The following PRDM5 variants were observed in gnomAD, a reference collection of about 807,000 sequenced individuals.
PRDM5 encodes PR domain zinc finger protein 5.
A neutral mutation model predicts 81.2 loss-of-function variants in PRDM5; 56 were observed. That is an observed-to-expected ratio of 0.69 (90% CI 0.56 to 0.86). The LOEUF is 0.86. Ranked by LOEUF, PRDM5 falls within the 40% of genes least tolerant of loss-of-function variation. The probability of loss-of-function intolerance (pLI) is 0.00; values close to 1 mark genes in which losing one functional copy is unlikely to be tolerated. For synonymous variants in PRDM5, 267 were observed against 256.4 expected, an observed-to-expected ratio of 1.04 and a Z score of -0.39; for missense variants, 697 against 770.1, an observed-to-expected ratio of 0.91 and a Z score of 1.12.
At chr4:120,794,665 T>A (rs2149273238) in intron 10 of PRDM5, among the ~76,000 whole-genome samples, 1 of 151,612 alleles carries the variant, frequency 6.6e-6, no homozygotes, top group African/African-American at 2.4e-5. Flanking sequence ...GCTCTGTTGC[T>A]CAGGCTGGAG....
At chr4:120,853,702 T>C (rs922067260) in intron 2 of PRDM5, among the ~76,000 whole-genome samples, 162 bp from the exon 3 acceptor site, 3 of 152,328 alleles carry the variant, frequency 2.0e-5, no homozygotes, top group Admixed American at 6.5e-5. Context: ...TAAACACATG[T>C]AGAAATACAG....
chr4:120,726,509 T>C (rs1739432263), intron 14 of PRDM5, among the ~76,000 whole-genome samples: 1 of 152,220 alleles, frequency 6.6e-6, no homozygotes, highest in African/African-American at 2.4e-5. Context: ...AGTACTTTGT[T>C]CTCTCTCCTT....
At chr4:120,908,190 G>A (rs931739223) in intron 1 of PRDM5, among the ~76,000 whole-genome samples, 1 of 152,234 alleles carries the variant, frequency 6.6e-6, no homozygotes, top group East Asian at 1.9e-4. Context: ...GAAATGGGCT[G>A]TCCTTCAATC....
chr4:120,765,220 CAT>C (rs1167172464), intron 13 of PRDM5, among the ~76,000 whole-genome samples: 3 of 152,124 alleles, frequency 2.0e-5, no homozygotes, highest in South Asian at 2.1e-4. Flanking sequence ...CAAAAAATTA[CAT>C]GTTTCCTAAG....
chr4:120,737,267 G>A (rs114895241), intron 14 of PRDM5, among the ~76,000 whole-genome samples: 1,724 of 152,298 alleles, frequency 0.011, 35 homozygotes, highest in African/African-American at 0.039. Flanking sequence ...CATCAATGCA[G>A]AGCATCAAGT....
intron 3 of PRDM5, among the ~76,000 whole-genome samples, chr4:120,826,560 A>G (rs1435940740): frequency 6.6e-6 from 1 of 152,162 alleles, no homozygotes; most frequent in Non-Finnish European, 1.5e-5. Context: ...AGTGCAAGCT[A>G]ATCTCATAAT....
chr4:120,813,136 T>C (rs1754067753), intron 7 of PRDM5: 1 of 152,680 alleles, frequency 6.5e-6, no homozygotes, highest in South Asian at 2.1e-4. Context: ...TGTCTTCTTA[T>C]GTAGTGATTA....
intron 10 of PRDM5, among the ~76,000 whole-genome samples, chr4:120,793,814 G>A (rs968327880): frequency 1.3e-4 from 20 of 152,186 alleles, no homozygotes; most frequent in African/African-American, 4.3e-4. Context: ...AAAAGATAAC[G>A]TGTGAGTAAT....
chr4:120,922,436 G>A (rs1284449949), intron 1 of PRDM5, 80 bp downstream of exon 1: 409 of 1,243,154 alleles, frequency 3.3e-4, no homozygotes, highest in Non-Finnish European at 4.1e-4. Flanking sequence ...GCCGCGCCCC[G>A]GGCCCTGCGG....
In PRDM5 at chr4:120,883,096, T is replaced by A. The variant is rs112602484; in HGVS notation, c.177+24378A>T. ...GCCATTTGTATGCTTAAGGTTAAAT[T>A]AGTTTCTTTTAAAGTGTTATTGTAG... is the stretch of plus-strand genomic sequence containing the variant. On this transcript the variant is annotated intron_variant, in intron 2 of 15. Coordinates refer to ENST00000264808, the MANE Select transcript of PRDM5 (RefSeq NM_018699.4). Among the ~76,000 whole-genome samples, 204 of 152,344 alleles carry A rather than the reference T, an allele frequency of 1.3e-3. 5 individuals are homozygous for A. In the South Asian group the frequency reaches 0.021, roughly 16 times the overall value.
At chr4:120,807,344 G>T (rs191682551) in intron 8 of PRDM5, among the ~76,000 whole-genome samples, 107 of 152,188 alleles carry the variant, frequency 7.0e-4, no homozygotes, top group African/African-American at 2.5e-3. Context: ...GCCATATATG[G>T]GTATATACCA....
intron 14 of PRDM5, among the ~76,000 whole-genome samples, chr4:120,750,719 C>CACACAT (rs1553958105): frequency 7.6e-6 from 1 of 131,484 alleles, no homozygotes; most frequent in Non-Finnish European, 1.7e-5. Flanking sequence ...CACACACACA[C>CACACAT]GCGCACACAA....
At chr4:120,709,021 G>A (rs762783484) in intron 15 of PRDM5, among the ~76,000 whole-genome samples, 1 of 150,988 alleles carries the variant, frequency 6.6e-6, no homozygotes, top group Non-Finnish European at 1.5e-5. Flanking sequence ...TAAATGGGAC[G>A]GAAGCAGATA....
intron 14 of PRDM5, among the ~76,000 whole-genome samples, chr4:120,742,204 C>A (rs979479706): frequency 3.3e-5 from 5 of 152,192 alleles, no homozygotes; most frequent in African/African-American, 1.2e-4. Context: ...TCCAACAGAC[C>A]TGAAGCTGAG....
At chr4:120,718,950 A>G (rs1036395950) in intron 14 of PRDM5, among the ~76,000 whole-genome samples, 14 of 152,198 alleles carry the variant, frequency 9.2e-5, no homozygotes, top group Non-Finnish European at 1.8e-4. Flanking sequence ...CCACTGTGGA[A>G]TATGGAGCCT....
At chr4:120,812,972 A>T (rs1221610290) in intron 7 of PRDM5, 1 of 161,196 alleles carries the variant, frequency 6.2e-6, no homozygotes, top group Non-Finnish European at 1.4e-5. Context: ...TTATTTAATC[A>T]GCTGGGTTTT....
At position 120,693,616 on chromosome 4, in the gene PRDM5, T is replaced by A. The variant is rs561070823; in HGVS notation, c.*1495A>T. 1 of 152,152 alleles carries A rather than the reference T, an allele frequency of 6.6e-6. No homozygotes were observed. Among genetic ancestry groups the A allele is most frequent in the Non-Finnish European group, 1.5e-5 (1 of 68,010 alleles). The allele number at this position is 152,152 out of a possible 1,614,324, so 9.4% of individuals were successfully genotyped here. A position where few individuals can be genotyped will look rare whatever the true frequency, so the allele number is the denominator to read the frequency against. On this transcript the variant is annotated 3_prime_UTR_variant, in exon 16 of 16. Transcript: ENST00000264808. ...ACAACATTCAAATGTCTACATTGAA[T>A]CTTTATGTTTCTTTTTAAAACTGGA...
At chr4:120,717,441 G>A (rs1737954630) in intron 14 of PRDM5, among the ~76,000 whole-genome samples, 1 of 152,194 alleles carries the variant, frequency 6.6e-6, no homozygotes, top group South Asian at 2.1e-4. Context: ...GTCGTATTTT[G>A]TGTAGTTAAT....
At chr4:120,891,882 G>A (rs190547995) in intron 2 of PRDM5, among the ~76,000 whole-genome samples, 89 of 152,062 alleles carry the variant, frequency 5.9e-4, no homozygotes, top group East Asian at 5.8e-3. Flanking sequence ...CACCTGCCTC[G>A]GTCTCCCAAA....
Sources: gnomAD v4.1 joint callset for allele counts (sites outside exome capture counted in the v4.1 genomes callset) on GRCh38, gnomAD v4.1.1 for gene constraint, MANE v1.5 for transcripts, NCBI Gene and HGNC (gene_info 2026-07-23, HGNC 2026-07-21) for gene names.